The following TRHDE variants were observed in gnomAD, a reference collection of about 807,000 sequenced individuals.
TRHDE encodes the protein thyrotropin releasing hormone degrading enzyme, also known as thyrotropin-releasing hormone-degrading ectoenzyme.
TRHDE carries 72 observed loss-of-function variants against 125.7 expected under a neutral mutation model. The observed-to-expected ratio is 0.57, with a 90% CI of 0.47 to 0.70. The LOEUF is 0.70. TRHDE is among the 30% of genes least tolerant of loss of function. The pLI, the probability that TRHDE is intolerant of heterozygous loss-of-function variation, is 0.00. For synonymous variants in TRHDE, 509 were observed against 509.1 expected (o/e 1.00, Z 0.00); for missense variants, 1,110 against 1,327.1 (o/e 0.84, Z 2.54).
intron 3 of TRHDE, among the ~76,000 whole-genome samples, chr12:72,397,770 A>C (rs1872859386): frequency 6.6e-6 from 1 of 152,180 alleles, no homozygotes; most frequent in Admixed American, 6.5e-5. Flanking sequence ...CCCTGATGAC[A>C]TTATCAAAAG....
Position 72,397,448 on chromosome 12 carries a change from C to T in TRHDE, c.1315+19327C>T, listed in dbSNP as rs558697064. Among the ~76,000 whole-genome samples the T allele has an allele frequency of 2.6e-5, 4 of 152,210 alleles. No individual in the cohort carries two copies. The East Asian group carries it at 7.7e-4, about 29-fold the overall frequency. ...TAAACCTTTAAAAACACAAGTCACGCTACATGAGTATCTTCCTCTATTTCT... is the reference window on the plus strand; with the variant it reads ...TAAACCTTTAAAAACACAAGTCACGTTACATGAGTATCTTCCTCTATTTCT... On this transcript the variant is annotated intron_variant, in intron 3 of 18. Coordinates refer to ENST00000261180, the MANE Select transcript of TRHDE (RefSeq NM_013381.3).
In TRHDE at chr12:72,187,506, T is replaced by A. The variant is rs12830526; in HGVS notation, n.279+81754T>A. 5.2e-3 allele frequency among the ~76,000 whole-genome samples: 688 copies of A among 132,250 alleles called. 7 individuals are homozygous for A. Among genetic ancestry groups the A allele is most frequent in the African/African-American group, 0.013 (443 of 34,550 alleles). The allele number at this position is 132,250 out of a possible 152,430, so 86.8% of individuals were successfully genotyped here. ...GTGGTGGTGGTGGTGGTGGTGGTGGTGGAGGAGGAGGAGGAGGAGGAGGAG... is the reference window on the plus strand; with the variant it reads ...GTGGTGGTGGTGGTGGTGGTGGTGGAGGAGGAGGAGGAGGAGGAGGAGGAG... On this transcript the variant is annotated intron_variant and non_coding_transcript_variant, in intron 2 of 4. Coordinates refer to the TRHDE transcript ENST00000548156.
chr12:72,132,254 T>C (rs752057188), intron 2 of TRHDE, among the ~76,000 whole-genome samples: 3 of 152,092 alleles, frequency 2.0e-5, no homozygotes, highest in Non-Finnish European at 4.4e-5. Flanking sequence ...CTGTCTCTAG[T>C]AGTACTAGTA....
At chr12:72,496,251 A>G (rs565833731) in intron 5 of TRHDE, among the ~76,000 whole-genome samples, 1 of 152,308 alleles carries the variant, frequency 6.6e-6, no homozygotes, top group Non-Finnish European at 1.5e-5. Flanking sequence ...TAAATGTTCC[A>G]CAAATCATTC....
intron 3 of TRHDE, among the ~76,000 whole-genome samples, chr12:72,381,426 C>T (rs553913942): frequency 4.1e-5 from 6 of 145,624 alleles, no homozygotes; most frequent in Admixed American, 1.4e-4. Flanking sequence ...GACGGAGTCT[C>T]GCTCTGTCGC....
chr12:72,252,178 A>G (rs1878700445), intron 2 of TRHDE, among the ~76,000 whole-genome samples: 1 of 152,056 alleles, frequency 6.6e-6, no homozygotes, highest in African/African-American at 2.4e-5. Context: ...TTTATGAATT[A>G]TGCTTTTGAT....
At chr12:72,315,706 G>A (rs1382752719) in intron 2 of TRHDE, among the ~76,000 whole-genome samples, 1 of 152,196 alleles carries the variant, frequency 6.6e-6, no homozygotes, top group Non-Finnish European at 1.5e-5. Flanking sequence ...ACGCCTGGGT[G>A]TCTTTTGGTT....
upstream of TRHDE, among the ~76,000 whole-genome samples, chr12:72,268,354 TGAA>T (rs1049973071): frequency 4.0e-4 from 61 of 152,240 alleles, no homozygotes; most frequent in African/African-American, 1.0e-3. Context: ...TTGCTTCTCA[TGAA>T]GAAGATTAAT....
intron 2 of TRHDE, among the ~76,000 whole-genome samples, chr12:72,305,025 C>A (rs750390540): frequency 6.7e-6 from 1 of 150,226 alleles, no homozygotes; most frequent in Non-Finnish European, 1.5e-5. Flanking sequence ...AGAGCACATG[C>A]GAGAGAGAGA....
intron 3 of TRHDE, among the ~76,000 whole-genome samples, chr12:72,394,436 T>A (rs1476747845): frequency 6.6e-6 from 1 of 152,158 alleles, no homozygotes; most frequent in African/African-American, 2.4e-5. Context: ...ATTAATTCAT[T>A]ATCATCATAA....
chr12:72,378,974 T>C (rs2093592404), intron 3 of TRHDE, among the ~76,000 whole-genome samples: 1 of 152,202 alleles, frequency 6.6e-6, no homozygotes, highest in South Asian at 2.1e-4. Flanking sequence ...TTTTGAAATA[T>C]TACATCACAA....
chr12:72,561,214 CTT>C (rs1209487504), intron 7 of TRHDE, among the ~76,000 whole-genome samples: 1 of 151,882 alleles, frequency 6.6e-6, no homozygotes, highest in African/African-American at 2.4e-5. Context: ...ATTTCAGAAA[CTT>C]TGCTTCCCCC....
At position 72,307,019 on chromosome 12, in the gene TRHDE, G is replaced by A. The variant is rs369724605; in HGVS notation, c.1188+20065G>A. On this transcript the variant is annotated intron_variant, in intron 2 of 18. Coordinates refer to ENST00000261180, the MANE Select transcript of TRHDE (RefSeq NM_013381.3). The stretch of plus-strand genomic sequence containing the variant: ...AAGGCATTAGGAGGAAGAGTAGAAT[G>A]GTAGGTGACGAGATCAGATATGTAT... Among the ~76,000 whole-genome samples the A allele has an allele frequency of 5.9e-5, 9 of 152,232 alleles. No individual in the cohort carries two copies. The East Asian group carries it at 7.7e-4, about 13-fold the overall frequency.
At chr12:72,359,247 A>G (rs1870959804) in intron 2 of TRHDE, among the ~76,000 whole-genome samples, 2 of 151,668 alleles carry the variant, frequency 1.3e-5, no homozygotes, top group African/African-American at 2.4e-5. Flanking sequence ...TCATGATACA[A>G]TTCTTGGCAA....
At chr12:72,283,311 G>A (rs1330685824) in intron 1 of TRHDE, among the ~76,000 whole-genome samples, 1 of 152,108 alleles carries the variant, frequency 6.6e-6, no homozygotes, top group African/African-American at 2.4e-5. Context: ...TCTGATTTTT[G>A]TTCAGTTATA....
intron 2 of TRHDE, among the ~76,000 whole-genome samples, chr12:72,298,654 T>G (rs1399409274): frequency 6.6e-6 from 1 of 152,152 alleles, no homozygotes; most frequent in East Asian, 1.9e-4. Context: ...GGGGTTTGTA[T>G]GTCATGTTAA....
chr12:72,519,340 A>T (rs535697099), intron 6 of TRHDE, among the ~76,000 whole-genome samples: 99 of 152,034 alleles, frequency 6.5e-4, no homozygotes, highest in African/African-American at 2.1e-3. Flanking sequence ...GGCTTTACTC[A>T]TTTCTTTTTA....
intron 1 of TRHDE, among the ~76,000 whole-genome samples, chr12:72,276,246 T>G (rs1179597162): frequency 6.6e-6 from 1 of 152,242 alleles, no homozygotes; most frequent in Admixed American, 6.5e-5. Flanking sequence ...AGGACGCAGA[T>G]GCAAGCACTG....
rs1471476547 is a variant in TRHDE, at chr12:72,670,680, TTG to T, written c.*7488_*7489del. 1.3e-5 allele frequency: 2 copies of T among 151,746 alleles called. No individual in the cohort carries two copies. Among genetic ancestry groups the T allele is most frequent in the Non-Finnish European group, 2.9e-5 (2 of 67,840 alleles). 9.4% of individuals were successfully genotyped at this position (151,746 alleles called of 1,614,324 possible). A position where few individuals can be genotyped will look rare whatever the true frequency, so the allele number is the denominator to read the frequency against. On this transcript the variant is annotated 3_prime_UTR_variant, in exon 19 of 19. Coordinates refer to ENST00000261180, the MANE Select transcript of TRHDE (RefSeq NM_013381.3). ...CTGAGGCTAGAATAAAAACATATAT[TTG>T]TGCTATATTGTAAAAATAAAAACAA...
Sources: gnomAD v4.1 joint callset for allele counts (sites outside exome capture counted in the v4.1 genomes callset) on GRCh38, gnomAD v4.1.1 for gene constraint, MANE v1.5 for transcripts, NCBI Gene and HGNC (gene_info 2026-07-23, HGNC 2026-07-21) for gene names.